DYNC1H1: variants seen among roughly 807,000 people sequenced by gnomAD.
DYNC1H1 encodes cytoplasmic dynein 1 heavy chain 1.
A neutral mutation model predicts 527.1 loss-of-function variants in DYNC1H1; 51 were observed. The observed-to-expected ratio is 0.10, with a 90% CI of 0.08 to 0.12. The LOEUF is 0.12. Among genes scored for constraint, DYNC1H1 ranks in the 10% least tolerant of loss-of-function variants. The pLI is 1.00. For synonymous variants in DYNC1H1, 2,189 were observed against 2,278.8 expected, an observed-to-expected ratio of 0.96 and a Z score of 1.12; for missense variants, 2,771 against 5,971.8, an observed-to-expected ratio of 0.46 and a Z score of 17.66.
chr14:102,033,878 C>A lies in DYNC1H1; in HGVS notation c.10414-98C>A. On this transcript the variant is annotated intron_variant, in intron 54 of 77. Coordinates refer to ENST00000360184, the MANE Select transcript of DYNC1H1 (RefSeq NM_001376.5). This position sits in a 1 kb window ranked among gnomAD's most constrained non-coding sequence, Gnocchi z 5.6. ...AACTTGGGCACGTTTCTAACCCACC[C>A]AAAACCCTGCACATAATGTGGATGA... is the stretch of plus-strand genomic sequence containing the variant. The A allele has an allele frequency of 7.1e-7, 1 of 1,402,432 alleles. No homozygotes were observed. The highest frequency in any genetic ancestry group is 9.9e-7 in the Non-Finnish European group (1 of 1,009,168). The allele number at this position is 1,402,432 out of a possible 1,614,324, so 86.9% of individuals were successfully genotyped here.
At chr14:102,026,125 A>G (rs2152588469) in intron 43 of DYNC1H1, among the ~76,000 whole-genome samples, 1 of 151,894 alleles carries the variant, frequency 6.6e-6, no homozygotes, top group East Asian at 1.9e-4. Context: ...AAAAAAAAAA[A>G]TAGGGCAGGC....
chr14:101,984,431 G>GTATA (rs1555408227), intron 7 of DYNC1H1, among the ~76,000 whole-genome samples: 18 of 82,802 alleles, frequency 2.2e-4, no homozygotes, highest in African/African-American at 7.2e-4. Flanking sequence ...GTGTGTGTGT[G>GTATA]TATATATATA....
At chr14:102,034,658 T>A in intron 56 of DYNC1H1, 1 of 856,432 alleles carries the variant, frequency 1.2e-6, no homozygotes, top group Non-Finnish European at 1.8e-6. Flanking sequence ...TGAATGCTTC[T>A]TGTAACCTTC....
At position 102,033,196 on chromosome 14, in the gene DYNC1H1, C is replaced by T; in HGVS notation, c.10197+14C>T. 1 of 1,614,124 alleles carries T rather than the reference C, an allele frequency of 6.2e-7. No individual in the cohort carries two copies. Among genetic ancestry groups the T allele is most frequent in the East Asian group, 2.2e-5 (1 of 44,890 alleles). Reference sequence around the variant, plus strand: ...GCAATTGCACAGGTGATTAACACAGCCAGGAGCTCCCGTGTGAAAGGTGAC... The same window carrying T: ...GCAATTGCACAGGTGATTAACACAGTCAGGAGCTCCCGTGTGAAAGGTGAC... On this transcript the variant is annotated intron_variant, in intron 53 of 77. Coordinates refer to ENST00000360184, the MANE Select transcript of DYNC1H1 (RefSeq NM_001376.5). The surrounding 1 kb of genome is among the most constrained non-coding windows in gnomAD (Gnocchi z 5.6).
intron 11 of DYNC1H1, among the ~76,000 whole-genome samples, chr14:101,993,329 ATC>A (rs1329124345): frequency 2.6e-5 from 4 of 151,852 alleles, no homozygotes; most frequent in African/African-American, 9.7e-5. Flanking sequence ...CCTCCCTAAA[ATC>A]TGTTTTCAAC....
chr14:102,002,418 G>A lies in DYNC1H1; in HGVS notation c.4543-119G>A, dbSNP rs1443463545. On this transcript the variant is annotated intron_variant, in intron 21 of 77. Transcript: ENST00000360184. This position sits in a 1 kb window ranked among gnomAD's most constrained non-coding sequence, Gnocchi z 4.4. ...GAGCCACCACACCCGTCTACTTGTT[G>A]TTTAAAATGTGAATCAGATTACTTC... 1 of 1,406,640 alleles carries A rather than the reference G, an allele frequency of 7.1e-7. No homozygotes were observed. The highest frequency in any genetic ancestry group is 1.4e-5 in the African/African-American group (1 of 70,604). 87.1% of individuals were successfully genotyped at this position (1,406,640 alleles called of 1,614,324 possible).
chr14:101,964,843 C>T lies in DYNC1H1; in HGVS notation c.152C>T (p.Ala51Val). 1 of 1,598,818 alleles carries T rather than the reference C, an allele frequency of 6.3e-7. No homozygotes were observed. Among genetic ancestry groups the T allele is most frequent in the East Asian group, 2.3e-5 (1 of 44,432 alleles). ...LLEDGGEAPA[A>V]LEAALEEKSA... is the part of the protein sequence containing the mutation. ...GAGGACGGCGGCGAGGCGCCGGCCG[C>T]GCTGGAGGCGGCGCTGGAGGAGAAG... is the stretch of plus-strand genomic sequence containing the variant. Residue 51 changes from alanine (A) to valine (V), a missense_variant, in exon 1 of 78, where the codon GCG becomes GTG. This residue lies in a region of DYNC1H1 where 101 missense variants were observed against 105.3 expected (regional missense o/e 0.96). Transcript: ENST00000360184. The surrounding 1 kb of genome is among the most constrained non-coding windows in gnomAD (Gnocchi z 5.5).
Position 102,049,696 on chromosome 14 carries a change from G to A in DYNC1H1, c.13516-18G>A. The A allele has an allele frequency of 2.5e-6, 4 of 1,613,876 alleles. No homozygotes were observed. Among genetic ancestry groups the A allele is most frequent in the Non-Finnish European group, 3.4e-6 (4 of 1,180,034 alleles). On this transcript the variant is annotated intron_variant, in intron 75 of 77. Transcript: ENST00000360184. The surrounding 1 kb of genome is among the most constrained non-coding windows in gnomAD (Gnocchi z 5.5). ...TCTGACCTGAGCTCCTTCCCCTGGG[G>A]GCTGCTGCTTTCCACAGAACATCCA...
chr14:102,037,419 A>G (rs2152594194), intron 57 of DYNC1H1: 1 of 143,352 alleles, frequency 7.0e-6, no homozygotes, highest in East Asian at 2.0e-4. Context: ...GCGAGACTCC[A>G]TCTCAAAAAA....
intron 1 of DYNC1H1, among the ~76,000 whole-genome samples, chr14:101,971,085 C>CTTTTTTTTTTTTTTTTTTTTTTTTTTT (rs780745783): frequency 1.6e-5 from 1 of 64,072 alleles, no homozygotes; most frequent in Non-Finnish European, 2.9e-5. Context: ...CCGTATCATT[C>CTTTTTTTTTTTTTTTTTTTTTTTTTTT]TTTTTTTTTT....
At chr14:101,966,661 A>G (rs1475930251) in intron 1 of DYNC1H1, among the ~76,000 whole-genome samples, 2 of 151,986 alleles carry the variant, frequency 1.3e-5, no homozygotes, top group Admixed American at 1.3e-4. Flanking sequence ...AATCCTTGAT[A>G]TTTTTATTGC....
At chr14:101,984,405 G>A (rs1179822930) in intron 7 of DYNC1H1, among the ~76,000 whole-genome samples, 6 of 35,244 alleles carry the variant, frequency 1.7e-4, no homozygotes, top group East Asian at 3.8e-4. Flanking sequence ...GTATATATGT[G>A]TGTGTGTGTG....
Position 101,983,001 on chromosome 14 carries a change from C to G in DYNC1H1, c.962-18C>G, listed in dbSNP as rs1042127573. ...TTACTTTATGTGAAAACCATTAACT[C>G]TTTCTCTGTTAATATAGGTCTAAAA... On this transcript the variant is annotated intron_variant, in intron 5 of 77. Coordinates refer to ENST00000360184, the MANE Select transcript of DYNC1H1 (RefSeq NM_001376.5). This position sits in a 1 kb window ranked among gnomAD's most constrained non-coding sequence, Gnocchi z 5.3. The G allele has an allele frequency of 6.2e-7, 1 of 1,613,626 alleles. No homozygotes were observed. Among genetic ancestry groups the G allele is most frequent in the Non-Finnish European group, 8.5e-7 (1 of 1,179,830 alleles).
Position 102,042,969 on chromosome 14 carries a change from T to A in DYNC1H1, c.12513+221T>A. The stretch of plus-strand genomic sequence containing the variant: ...TGGAAGGTCGAGGTGGGAGGATCAC[T>A]TGAGCCCAGGAGTTCAAGACTGTCT... On this transcript the variant is annotated intron_variant, in intron 69 of 77. Transcript: ENST00000360184. This position sits in a 1 kb window ranked among gnomAD's most constrained non-coding sequence, Gnocchi z 5.7. 1 of 594,498 alleles carries A rather than the reference T, an allele frequency of 1.7e-6. No homozygotes were observed. Among genetic ancestry groups the A allele is most frequent in the Middle Eastern group, 4.6e-4 (1 of 2,160 alleles). 36.8% of individuals were successfully genotyped at this position (594,498 alleles called of 1,614,324 possible).
intron 15 of DYNC1H1, among the ~76,000 whole-genome samples, chr14:101,996,499 G>A (rs1315097760): frequency 6.6e-6 from 1 of 152,160 alleles, no homozygotes. Context: ...CCTGTCCGGG[G>A]CCATCCGGAT....
In DYNC1H1 at chr14:101,997,833, C is replaced by T. The variant is rs2048081406; in HGVS notation, c.3804+559C>T. On this transcript the variant is annotated intron_variant, in intron 16 of 77. Coordinates refer to ENST00000360184, the MANE Select transcript of DYNC1H1 (RefSeq NM_001376.5). The surrounding 1 kb of genome is among the most constrained non-coding windows in gnomAD (Gnocchi z 4.8). ...CAGTGAGTGAAAAGGACAAGAGCCT[C>T]CTACCTTCATGGAATCACGCTCCGT... Among the ~76,000 whole-genome samples the T allele has an allele frequency of 6.6e-6, 1 of 152,154 alleles. No individual in the cohort carries two copies. Among genetic ancestry groups the T allele is most frequent in the Non-Finnish European group, 1.5e-5 (1 of 68,036 alleles).
In DYNC1H1 at chr14:101,979,743, A is replaced by C. The variant is rs1287001828; in HGVS notation, c.543A>C (p.Ser181=). 12 of 1,614,170 alleles carry C rather than the reference A, an allele frequency of 7.4e-6. No homozygotes were observed. The highest frequency in any genetic ancestry group is 1.7e-5 in the Admixed American group (1 of 60,030). ...GGGATGGTGATAAAATGGCTCCTTCAGTTGAAAAGAAGATTGCAGAACTCG... is the reference window on the plus strand; with the variant it reads ...GGGATGGTGATAAAATGGCTCCTTCCGTTGAAAAGAAGATTGCAGAACTCG... The part of the protein sequence containing the change: ...ADRDGDKMAP[S]VEKKIAELEM... The change falls in exon 4 of 78, where the codon TCA becomes TCC. Residue 181 remains serine, a synonymous_variant. Transcript: ENST00000360184. This position sits in a 1 kb window ranked among gnomAD's most constrained non-coding sequence, Gnocchi z 4.6.
chr14:101,975,858 A>G (rs1347121495), intron 2 of DYNC1H1, 59 bp downstream of exon 2: 37 of 1,331,268 alleles, frequency 2.8e-5, no homozygotes, highest in Non-Finnish European at 3.8e-5. Flanking sequence ...ATTAATATGA[A>G]TCTTTTTTCT....
At chr14:101,998,060 TTTTA>T (rs1246714070) in intron 16 of DYNC1H1, among the ~76,000 whole-genome samples, 5 of 152,222 alleles carry the variant, frequency 3.3e-5, no homozygotes, top group Non-Finnish European at 7.3e-5. Flanking sequence ...GAATTCAAAA[TTTTA>T]TTTATTTTAT....
Sources: allele counts gnomAD v4.1 joint callset (sites outside exome capture counted in the v4.1 genomes callset), GRCh38; gene constraint gnomAD v4.1.1; regional missense constraint gnomAD v4.1.1; non-coding constraint Gnocchi (gnomAD v3.1); transcripts MANE v1.5; gene names NCBI Gene and HGNC (gene_info 2026-07-23, HGNC 2026-07-21).